The following KCNH1 variants were observed in gnomAD, a reference collection of about 807,000 sequenced individuals.
The protein encoded by KCNH1 is potassium voltage-gated channel subfamily H member 1, also known as voltage-gated delayed rectifier potassium channel KCNH1.
In KCNH1, 27 loss-of-function variants were observed where a neutral mutation model predicts 69.2. The ratio of observed to expected loss-of-function variants is 0.39; its 90% confidence interval spans 0.29 to 0.54. The LOEUF (loss-of-function observed/expected upper bound fraction) is 0.54. KCNH1 is among the 20% of genes least tolerant of loss of function. The probability of loss-of-function intolerance (pLI) is 0.68; values close to 1 mark genes in which losing one functional copy is unlikely to be tolerated. For missense variants in KCNH1, 798 were observed against 1,261.6 expected (o/e 0.63, Z 5.57); for synonymous variants, 456 against 487.7 (o/e 0.93, Z 0.86).
intron 7 of KCNH1, among the ~76,000 whole-genome samples, chr1:210,856,900 A>G (rs1231270219): frequency 1.9e-5 from 1 of 53,192 alleles, no homozygotes; most frequent in South Asian, 7.3e-4. Flanking sequence ...TATATATATA[A>G]AATACTCATG....
At chr1:210,799,602 C>T (rs909581221) in intron 8 of KCNH1, among the ~76,000 whole-genome samples, 1 of 152,172 alleles carries the variant, frequency 6.6e-6, no homozygotes, top group Non-Finnish European at 1.5e-5. Context: ...CACCTTCAAG[C>T]AAACTTTTCC....
At chr1:210,698,026 T>C (rs1681682736) in intron 10 of KCNH1, among the ~76,000 whole-genome samples, 1 of 152,204 alleles carries the variant, frequency 6.6e-6, no homozygotes, top group African/African-American at 2.4e-5. Context: ...TTTCTCTCCT[T>C]CTGTCAATAT....
chr1:210,886,391 G>A (rs1686606237), intron 7 of KCNH1, among the ~76,000 whole-genome samples: 1 of 152,042 alleles, frequency 6.6e-6, no homozygotes, highest in Non-Finnish European at 1.5e-5. Context: ...CCATTCGAAG[G>A]TCACCAACAT....
intron 10 of KCNH1, among the ~76,000 whole-genome samples, chr1:210,690,645 C>T (rs1040496760): frequency 6.6e-6 from 1 of 152,194 alleles, no homozygotes; most frequent in Non-Finnish European, 1.5e-5. Flanking sequence ...AGTTCTCAAC[C>T]CCCTCAGAAA....
chr1:210,897,047 C>A (rs879624063), intron 7 of KCNH1, among the ~76,000 whole-genome samples: 5 of 152,214 alleles, frequency 3.3e-5, no homozygotes, highest in Admixed American at 3.3e-4. Context: ...AAGGAGCACT[C>A]CATGGCCCAG....
intron 10 of KCNH1, among the ~76,000 whole-genome samples, chr1:210,753,330 C>A (rs1207668256): frequency 6.6e-6 from 1 of 152,150 alleles, no homozygotes; most frequent in African/African-American, 2.4e-5. Context: ...AAATCTGAGA[C>A]TTCTGGACAA....
At chr1:211,054,500 T>C (rs1477082809) in intron 5 of KCNH1, among the ~76,000 whole-genome samples, 1 of 152,074 alleles carries the variant, frequency 6.6e-6, no homozygotes, top group African/African-American at 2.4e-5. Flanking sequence ...ACAAAATCTA[T>C]GATGACCAAA....
intron 6 of KCNH1, among the ~76,000 whole-genome samples, chr1:210,955,663 A>C (rs1302539145): frequency 1.3e-5 from 2 of 152,092 alleles, no homozygotes; most frequent in Non-Finnish European, 2.9e-5. Flanking sequence ...TCTTTGTAGC[A>C]ATTGTGAATT....
At chr1:210,985,967 C>T (rs1688824535) in intron 6 of KCNH1, among the ~76,000 whole-genome samples, 1 of 152,116 alleles carries the variant, frequency 6.6e-6, no homozygotes, top group Non-Finnish European at 1.5e-5. Context: ...CTGGGTGCTC[C>T]TGTATTGGGT....
In KCNH1 at chr1:211,090,703, T is replaced by C. The variant is rs1220310416; in HGVS notation, c.311-13A>G. On this transcript the variant is annotated splice_polypyrimidine_tract_variant and intron_variant, in intron 3 of 10. Transcript: ENST00000271751. ...CACACAGGTGTCCCTGAAAGGAATA[T>C]CAAAAGGTTGGTCAGTAATTTGCAT... 6.3e-7 allele frequency: 1 copy of C among 1,595,678 alleles called. No individual in the cohort carries two copies. Among genetic ancestry groups the C allele is most frequent in the Non-Finnish European group, 8.5e-7 (1 of 1,175,932 alleles).
chr1:210,743,169 T>C (rs554559454), intron 10 of KCNH1, among the ~76,000 whole-genome samples: 1 of 139,562 alleles, frequency 7.2e-6, no homozygotes, highest in Admixed American at 7.3e-5. Context: ...GATGAGATCC[T>C]GGAGCTAGAC....
chr1:210,731,393 G>A (rs1682743400), intron 10 of KCNH1, among the ~76,000 whole-genome samples: 1 of 152,184 alleles, frequency 6.6e-6, no homozygotes, highest in Non-Finnish European at 1.5e-5. Context: ...CTCAGAGCTT[G>A]CACCCTTAAC....
At chr1:210,720,971 T>C (rs1025832261) in intron 10 of KCNH1, among the ~76,000 whole-genome samples, 4 of 152,174 alleles carry the variant, frequency 2.6e-5, no homozygotes, top group African/African-American at 9.7e-5. Flanking sequence ...CTTTTATAAC[T>C]TTAGCAACCA....
intron 7 of KCNH1, chr1:210,858,698 A>AT (rs1241104838): frequency 6.3e-6 from 1 of 159,172 alleles, no homozygotes; most frequent in East Asian, 1.8e-4. Flanking sequence ...TAAAGAATAG[A>AT]TACCCAATGG....
intron 5 of KCNH1, among the ~76,000 whole-genome samples, chr1:211,079,337 C>G (rs1690806076): frequency 6.6e-6 from 1 of 152,096 alleles, no homozygotes. Flanking sequence ...AGCCTACCAA[C>G]CAAAAAAACT....
At chr1:210,859,199 C>A in intron 7 of KCNH1, 1 of 1,608,670 alleles carries the variant, frequency 6.2e-7, no homozygotes, top group South Asian at 1.1e-5. Flanking sequence ...TACTGGGCCT[C>A]CAAAATTGAA....
rs192271379 is a variant in KCNH1, at chr1:210,987,668, C to A, written c.1032+31115G>T. Among the ~76,000 whole-genome samples, 140 of 152,304 alleles carry A rather than the reference C, an allele frequency of 9.2e-4. 1 individual carries two copies. The East Asian group carries it at 0.025, about 27-fold the overall frequency. ...AGTTTTGTCTCAGAGGAGTACCCGG[C>A]CGTGTGAGGTGTCAGTCTGCCCCTA... On this transcript the variant is annotated intron_variant, in intron 6 of 10. Coordinates refer to ENST00000271751, the MANE Select transcript of KCNH1 (RefSeq NM_172362.3).
chr1:210,688,604 C>A (rs1681457935), intron 10 of KCNH1, among the ~76,000 whole-genome samples: 1 of 152,226 alleles, frequency 6.6e-6, no homozygotes, highest in Non-Finnish European at 1.5e-5. Flanking sequence ...TAAAGGACTT[C>A]CATTTTTCAC....
chr1:210,919,857 G>T lies in KCNH1; in HGVS notation c.1245C>A (p.Asn415Lys). The T allele has an allele frequency of 6.2e-7, 1 of 1,614,186 alleles. No individual in the cohort carries two copies. The highest frequency in any genetic ancestry group is 8.5e-7 in the Non-Finnish European group (1 of 1,180,016). ...IFDEDTKTIR[N>K]NSWLYQLAMD... ...TCGCTAGTTGGTACAGCCAGCTGTT[G>T]TTGCGGATTGTCTTGGTGTCCTCGT... The change falls in exon 7 of 11, where the codon AAC becomes AAA. Residue 415 changes from asparagine to lysine, a missense_variant. By Grantham distance (94) the Asn-to-Lys change is moderately conservative (BLOSUM62 0). Coordinates refer to ENST00000271751, the MANE Select transcript of KCNH1 (RefSeq NM_172362.3). This position sits in a 1 kb window ranked among gnomAD's most constrained non-coding sequence, Gnocchi z 4.2.
Sources: gnomAD v4.1 joint callset for allele counts (sites outside exome capture counted in the v4.1 genomes callset) on GRCh38, gnomAD v4.1.1 for gene constraint, Gnocchi (gnomAD v3.1) non-coding constraint, MANE v1.5 for transcripts, NCBI Gene and HGNC (gene_info 2026-07-23, HGNC 2026-07-21) for gene names.